The following RANBP2 variants were observed in gnomAD, a reference collection of about 807,000 sequenced individuals.
RANBP2 encodes the protein E3 SUMO-protein ligase RanBP2.
RANBP2 carries 57 observed loss-of-function variants against 303.6 expected under a neutral mutation model. The ratio of observed to expected loss-of-function variants is 0.19; its 90% CI spans 0.15 to 0.23. The LOEUF (loss-of-function observed/expected upper bound fraction) is 0.23. RANBP2 is among the 10% of genes least tolerant of loss of function. The probability of loss-of-function intolerance (pLI) is 1.00; values close to 1 mark genes in which losing one functional copy is unlikely to be tolerated. For synonymous variants in RANBP2, 1,167 were observed against 1,301.5 expected (o/e 0.90, Z 2.23); for missense variants, 3,138 against 3,780.8 (o/e 0.83, Z 4.46).
chr2:109,194,739 G>A, the RANBP2 span, among the ~76,000 whole-genome samples: 1 of 152,198 alleles, frequency 6.6e-6, no homozygotes, highest in African/African-American at 2.4e-5. Flanking sequence ...TGCAGGCCGG[G>A]GATGCTTCCA....
the RANBP2 span, among the ~76,000 whole-genome samples, chr2:109,003,669 C>T: frequency 1.1e-4 from 16 of 152,200 alleles, no homozygotes; most frequent in Middle Eastern, 0.01. Flanking sequence ...CCTCGGCCTC[C>T]CAAAGTGCTG....
chr2:109,104,724 C>T, the RANBP2 span, among the ~76,000 whole-genome samples: 3 of 152,248 alleles, frequency 2.0e-5, no homozygotes, highest in African/African-American at 7.2e-5. Flanking sequence ...ACCTCGTGAT[C>T]CGCCCACCTC....
the RANBP2 span, among the ~76,000 whole-genome samples, chr2:109,345,951 A>G: frequency 2.6e-5 from 4 of 152,220 alleles, no homozygotes; most frequent in Admixed American, 2.6e-4. Context: ...AAATATCTTC[A>G]GACCAAATTG....
chr2:108,911,762 C>G, the RANBP2 span, among the ~76,000 whole-genome samples: 1 of 152,084 alleles, frequency 6.6e-6, no homozygotes, highest in Non-Finnish European at 1.5e-5. Flanking sequence ...TGCCACCACC[C>G]AAATAGACAG....
the RANBP2 span, among the ~76,000 whole-genome samples, chr2:109,567,271 C>A: frequency 6.6e-6 from 1 of 152,086 alleles, no homozygotes; most frequent in African/African-American, 2.4e-5. Flanking sequence ...ATTTCAAAAC[C>A]CATGATCCTA....
At chr2:109,514,921 C>T in the RANBP2 span, among the ~76,000 whole-genome samples, 2 of 151,634 alleles carry the variant, frequency 1.3e-5, no homozygotes, top group Non-Finnish European at 2.9e-5. Context: ...TCCCCCATGC[C>T]CCTCACACAC....
chr2:109,422,057 T>C, the RANBP2 span, among the ~76,000 whole-genome samples: 164 of 152,310 alleles, frequency 1.1e-3, 1 homozygote, highest in African/African-American at 3.9e-3. Context: ...AAGCTAGTAT[T>C]CCCACACATA....
At chr2:109,546,194 T>A in the RANBP2 span, 1 of 1,604,516 alleles carries the variant, frequency 6.2e-7, no homozygotes, top group Non-Finnish European at 8.5e-7. Flanking sequence ...CTTCATTCTC[T>A]CTTCTTGGTG....
chr2:108,960,023 G>A, the RANBP2 span, among the ~76,000 whole-genome samples: 6 of 152,120 alleles, frequency 3.9e-5, no homozygotes, highest in African/African-American at 7.2e-5. Context: ...ATGCACTAAC[G>A]TGGCCACGGT....
chr2:109,446,542 C>T, the RANBP2 span, among the ~76,000 whole-genome samples: 192 of 152,254 alleles, frequency 1.3e-3, no homozygotes, highest in Admixed American at 2.2e-3. Flanking sequence ...CAGGCAGCAC[C>T]GTGAAGGTGG....
the RANBP2 span, among the ~76,000 whole-genome samples, chr2:108,932,528 CAAAAAAAAAAAAAA>C: frequency 2.6e-5 from 1 of 39,124 alleles, no homozygotes; most frequent in Non-Finnish European, 5.0e-5. Flanking sequence ...GACTCTGTCT[CAAAAAAAAAAAAAA>C]AAAAAAAAAA....
chr2:108,793,816 A>G, the RANBP2 span, among the ~76,000 whole-genome samples: 2 of 151,494 alleles, frequency 1.3e-5, no homozygotes, highest in Non-Finnish European at 2.9e-5. Flanking sequence ...GTTAGCCAGG[A>G]TGGTCTCAAT....
At chr2:108,876,222 G>A in the RANBP2 span, 3 of 1,612,498 alleles carry the variant, frequency 1.9e-6, no homozygotes, top group Middle Eastern at 1.7e-4. Context: ...TTAACAAAAT[G>A]TAACTCCCTG....
chr2:109,533,306 T>G, the RANBP2 span, among the ~76,000 whole-genome samples: 1 of 152,236 alleles, frequency 6.6e-6, no homozygotes, highest in Admixed American at 6.5e-5. Context: ...GACCTGGGGA[T>G]CCCATGAGGA....
chr2:109,680,327 C>T, the RANBP2 span, among the ~76,000 whole-genome samples: 95 of 150,806 alleles, frequency 6.3e-4, no homozygotes, highest in Non-Finnish European at 2.1e-4. Context: ...CAAGAGATCA[C>T]GCCACTGCAC....
the RANBP2 span, among the ~76,000 whole-genome samples, chr2:109,661,516 G>T: frequency 6.6e-6 from 1 of 152,190 alleles, no homozygotes; most frequent in South Asian, 2.1e-4. Context: ...AAAGTGCTGG[G>T]ATTATAGGCA....
chr2:109,639,718 AT>A, the RANBP2 span, among the ~76,000 whole-genome samples: 65 of 146,202 alleles, frequency 4.4e-4, no homozygotes, highest in East Asian at 6.7e-3. Flanking sequence ...ACAATACTAG[AT>A]TTTTTTTTTT....
At chr2:109,777,269 G>C in the RANBP2 span, among the ~76,000 whole-genome samples, 1 of 148,518 alleles carries the variant, frequency 6.7e-6, no homozygotes. Context: ...TGTGATTTTT[G>C]TCAAAGGCTT....
At chr2:109,048,552 T>C in the RANBP2 span, among the ~76,000 whole-genome samples, 2 of 152,334 alleles carry the variant, frequency 1.3e-5, no homozygotes, top group South Asian at 4.1e-4. Flanking sequence ...GTAATTGAAT[T>C]GCAGGGAGTG....
Sources: allele counts gnomAD v4.1 joint callset (sites outside exome capture counted in the v4.1 genomes callset), GRCh38; gene constraint gnomAD v4.1.1; transcripts MANE v1.5; gene names NCBI Gene and HGNC (gene_info 2026-07-23, HGNC 2026-07-21).